Variants in VTI1A observed in about 807,000 individuals in gnomAD.
VTI1A encodes vesicle transport through interaction with t-SNAREs homolog 1A.
A neutral mutation model predicts 34.9 loss-of-function variants in VTI1A; 22 were observed. The ratio of observed to expected loss-of-function variants is 0.63; its 90% CI spans 0.45 to 0.90. VTI1A has a LOEUF of 0.90. VTI1A is among the 40% of genes least tolerant of loss of function. The pLI is 0.00. For missense variants in VTI1A, 268 were observed against 275.6 expected (o/e 0.97, Z 0.20); for synonymous variants, 87 against 97.3 (o/e 0.89, Z 0.62).
At chr10:112,614,567 AG>A (rs950427471) in intron 5 of VTI1A, among the ~76,000 whole-genome samples, 3 of 152,300 alleles carry the variant, frequency 2.0e-5, no homozygotes, top group Non-Finnish European at 4.4e-5. Flanking sequence ...GAAGCTTTGA[AG>A]GGGGTTTGTT....
At chr10:112,646,298 G>A (rs1846780425) in intron 5 of VTI1A, among the ~76,000 whole-genome samples, 1 of 151,992 alleles carries the variant, frequency 6.6e-6, no homozygotes. Context: ...GTTTCCATAG[G>A]TTCTTACCTT....
chr10:112,454,953 A>G (rs1234924453), intron 1 of VTI1A, among the ~76,000 whole-genome samples: 2 of 152,004 alleles, frequency 1.3e-5, no homozygotes, highest in Admixed American at 1.3e-4. Flanking sequence ...GACTATAACA[A>G]TGTTAAACAC....
chr10:112,450,598 A>T (rs1847202470), intron 1 of VTI1A: 1 of 152,226 alleles, frequency 6.6e-6, no homozygotes. Context: ...TCTGCTGTGC[A>T]TGTTACAATG....
the VTI1A span, among the ~76,000 whole-genome samples, chr10:112,853,772 A>C: frequency 6.6e-6 from 1 of 152,248 alleles, no homozygotes; most frequent in Non-Finnish European, 1.5e-5. Context: ...GAACAAAAGC[A>C]ACAGATTCTC....
chr10:112,600,576 C>T (rs1844840748), intron 5 of VTI1A, among the ~76,000 whole-genome samples: 1 of 152,144 alleles, frequency 6.6e-6, no homozygotes, highest in Non-Finnish European at 1.5e-5. Flanking sequence ...TTCCTGACCA[C>T]CAGTCTAAAA....
In VTI1A at chr10:112,616,442, A is replaced by T. The variant is rs546029045; in HGVS notation, c.428-51776A>T. Among the ~76,000 whole-genome samples the T allele has an allele frequency of 2.6e-5, 4 of 152,294 alleles. No homozygotes were observed. The East Asian group carries it at 7.7e-4, about 29-fold the overall frequency. On this transcript the variant is annotated intron_variant, in intron 5 of 7. Transcript: ENST00000393077. ...TCATGCCTACTGGCTTCCAGAAAAA[A>T]ATAAACAAATTTTCTTCTGGAGGAA...
At chr10:112,610,095 G>A (rs1402504391) in intron 5 of VTI1A, among the ~76,000 whole-genome samples, 1 of 151,766 alleles carries the variant, frequency 6.6e-6, no homozygotes, top group East Asian at 1.9e-4. Context: ...AAAAAATGAG[G>A]CGCATTTAAC....
intron 3 of VTI1A, among the ~76,000 whole-genome samples, chr10:112,498,527 C>A (rs1849108713): frequency 6.6e-6 from 1 of 151,708 alleles, no homozygotes; most frequent in African/African-American, 2.4e-5. Flanking sequence ...TCTGTAAAAT[C>A]TTCTTTCTTA....
intron 7 of VTI1A, among the ~76,000 whole-genome samples, chr10:112,778,819 A>G (rs1852026196): frequency 1.3e-5 from 2 of 152,202 alleles, no homozygotes; most frequent in South Asian, 4.1e-4. Context: ...TGTCTGAATC[A>G]AGAAATTCCT....
chr10:112,719,540 T>C (rs1176704593), intron 7 of VTI1A, among the ~76,000 whole-genome samples: 1 of 152,100 alleles, frequency 6.6e-6, no homozygotes, highest in African/African-American at 2.4e-5. Context: ...CCACAAACAA[T>C]TGTAGAACTT....
chr10:112,520,828 C>G (rs540884341), intron 3 of VTI1A, among the ~76,000 whole-genome samples: 3 of 151,442 alleles, frequency 2.0e-5, no homozygotes, highest in Non-Finnish European at 2.9e-5. Flanking sequence ...AAAGTATAAG[C>G]AAAAATAATA....
chr10:112,693,975 A>G (rs1848695943), intron 7 of VTI1A, among the ~76,000 whole-genome samples: 2 of 152,126 alleles, frequency 1.3e-5, no homozygotes, highest in Non-Finnish European at 2.9e-5. Flanking sequence ...TTGGAAGGCC[A>G]AGGTGGGCGG....
intron 7 of VTI1A, among the ~76,000 whole-genome samples, chr10:112,762,783 C>T (rs1370683203): frequency 2.0e-5 from 3 of 152,174 alleles, no homozygotes; most frequent in Non-Finnish European, 4.4e-5. Flanking sequence ...CTTACTTTCC[C>T]TCCCAGCTAC....
intron 5 of VTI1A, among the ~76,000 whole-genome samples, chr10:112,618,524 T>TATATATATATAGAGAGAG (rs748276058): frequency 2.3e-4 from 8 of 34,582 alleles, no homozygotes; most frequent in Non-Finnish European, 3.1e-4. Context: ...TATATATATA[T>TATATATATATAGAGAGAG]AGAGAGAGAG....
chr10:112,534,111 A>G (rs1462169927), intron 4 of VTI1A, among the ~76,000 whole-genome samples: 1 of 152,126 alleles, frequency 6.6e-6, no homozygotes, highest in Non-Finnish European at 1.5e-5. Flanking sequence ...CGTCATTGTT[A>G]AACACTTTGC....
intron 3 of VTI1A, among the ~76,000 whole-genome samples, chr10:112,519,940 G>A (rs1041947399): frequency 6.6e-6 from 1 of 151,910 alleles, no homozygotes. Context: ...AGAGAAACTA[G>A]CATTATAGGA....
chr10:112,556,191 T>G (rs1224961746), intron 5 of VTI1A, among the ~76,000 whole-genome samples: 1 of 151,990 alleles, frequency 6.6e-6, no homozygotes, highest in Non-Finnish European at 1.5e-5. Flanking sequence ...TAAGGACTTC[T>G]TATGTGAGTC....
At chr10:112,458,487 G>A (rs1256352516) in intron 1 of VTI1A, among the ~76,000 whole-genome samples, 1 of 151,962 alleles carries the variant, frequency 6.6e-6, no homozygotes, top group Non-Finnish European at 1.5e-5. Flanking sequence ...AATCCCAAAG[G>A]CTTATTTTTC....
intron 5 of VTI1A, among the ~76,000 whole-genome samples, chr10:112,575,198 T>C (rs1184277383): frequency 6.6e-6 from 1 of 152,264 alleles, no homozygotes; most frequent in African/African-American, 2.4e-5. Context: ...GAATGATTGA[T>C]TTCTCTTTTG....
Sources: gnomAD v4.1 joint callset for allele counts (sites outside exome capture counted in the v4.1 genomes callset) on GRCh38, gnomAD v4.1.1 for gene constraint, MANE v1.5 for transcripts, NCBI Gene and HGNC (gene_info 2026-07-23, HGNC 2026-07-21) for gene names.